ARG2: variants seen among roughly 807,000 people sequenced by gnomAD.
The protein encoded by ARG2 is arginase-2, mitochondrial.
ARG2 carries 21 observed loss-of-function variants against 39.4 expected under a neutral mutation model. The ratio of observed to expected loss-of-function variants is 0.53; its 90% CI spans 0.38 to 0.77. The LOEUF (loss-of-function observed/expected upper bound fraction) is 0.77, where lower values mean the gene tolerates loss of function less well. ARG2 is among the 30% of genes least tolerant of loss of function. The pLI, the probability that ARG2 is intolerant of heterozygous loss-of-function variation, is 0.00. For synonymous variants in ARG2, 150 were observed against 156.7 expected, an observed-to-expected ratio of 0.96 and a Z score of 0.32; for missense variants, 378 against 426.2, an observed-to-expected ratio of 0.89 and a Z score of 1.00.
chr14:67,647,803 G>A, intron 6 of ARG2: 1 of 491,668 alleles, frequency 2.0e-6, no homozygotes, highest in Non-Finnish European at 3.6e-6. Flanking sequence ...ATACATTGGA[G>A]TTAGTCTGTC....
At chr14:67,649,627 T>C (rs2140789347) in intron 7 of ARG2, 1 of 152,114 alleles carries the variant, frequency 6.6e-6, no homozygotes, top group Middle Eastern at 3.4e-3. Flanking sequence ...GTGCAGGAAA[T>C]GATGGAAATG....
rs144757358 is a variant in ARG2 at position 67,636,129 on chromosome 14, A to G, written c.185-6057A>G. ...TTTCTCCATGTCTGTTATTCTACCAATGGGTTGCCTGTGGCTCAGCAGACC... is the reference window on the plus strand; with the variant it reads ...TTTCTCCATGTCTGTTATTCTACCAGTGGGTTGCCTGTGGCTCAGCAGACC... On this transcript the variant is annotated intron_variant, in intron 2 of 7. Transcript: ENST00000261783. Among the ~76,000 whole-genome samples, 406 of 152,152 alleles carry G rather than the reference A, an allele frequency of 2.7e-3. 3 individuals are homozygous for G. The highest frequency in any genetic ancestry group is 9.2e-3 in the African/African-American group (384 of 41,520).
intron 7 of ARG2, 134 bp from the exon 8 acceptor site, chr14:67,650,581 T>C: frequency 1.3e-6 from 1 of 748,672 alleles, no homozygotes; most frequent in Non-Finnish European, 2.2e-6. Context: ...AGGGGCTTCC[T>C]AAAAATAGGT....
Position 67,620,068 on chromosome 14 carries a change from G to A in ARG2, c.91G>A (p.Ala31Thr), listed in dbSNP as rs922197969. ...CGTCCACTCCGTGGCTGTGATAGGA[G>A]CCCCGTTCTCACAAGGGCAGGTGAG... ...KSVHSVAVIG[A>T]PFSQGQKRKG... Residue 31 changes from alanine (A) to threonine (T), a missense_variant, in exon 1 of 8, where the codon GCC (alanine) becomes ACC (threonine). Physicochemically the swap from Ala to Thr is moderately conservative, Grantham distance 58 (BLOSUM62 0). Coordinates refer to ENST00000261783, the MANE Select transcript of ARG2 (RefSeq NM_001172.4). The A allele has an allele frequency of 6.2e-7, 1 of 1,609,608 alleles. No individual in the cohort carries two copies. The highest frequency in any genetic ancestry group is 8.5e-7 in the Non-Finnish European group (1 of 1,178,022).
chr14:67,642,798 T>C (rs375906468), intron 3 of ARG2, among the ~76,000 whole-genome samples: 23 of 94,962 alleles, frequency 2.4e-4, no homozygotes, highest in Admixed American at 2.2e-4. Flanking sequence ...ATTTTCTTTT[T>C]TTTTTTTTTT....
chr14:67,636,255 T>C (rs1188964051), intron 2 of ARG2, among the ~76,000 whole-genome samples: 3 of 151,026 alleles, frequency 2.0e-5, no homozygotes, highest in Admixed American at 2.0e-4. Context: ...GATAGTCTTA[T>C]GCTGTCAAAA....
intron 2 of ARG2, among the ~76,000 whole-genome samples, chr14:67,634,405 T>C (rs1273599799): frequency 6.9e-6 from 1 of 145,098 alleles, no homozygotes; most frequent in African/African-American, 2.6e-5. Context: ...CCAGCCTGGG[T>C]AGCATGGCAA....
chr14:67,642,104 C>A, intron 2 of ARG2, 82 bp from the exon 3 acceptor site: 2 of 1,310,944 alleles, frequency 1.5e-6, no homozygotes, highest in Admixed American at 1.8e-5. Flanking sequence ...TACTTTGTCA[C>A]GTATTATCAT....
intron 2 of ARG2, among the ~76,000 whole-genome samples, chr14:67,638,387 A>C (rs967587916): frequency 2.0e-5 from 3 of 152,134 alleles, no homozygotes; most frequent in Admixed American, 2.0e-4. Context: ...AAAGAAAAAA[A>C]ATGATTAAAG....
chr14:67,635,713 C>T (rs1298490607), intron 2 of ARG2, among the ~76,000 whole-genome samples: 3 of 151,968 alleles, frequency 2.0e-5, no homozygotes, highest in Admixed American at 6.6e-5. Flanking sequence ...ATTAGCCGGG[C>T]GTGGTGGCAG....
At chr14:67,642,791 TTC>T (rs1315861657) in intron 3 of ARG2, among the ~76,000 whole-genome samples, 5 of 131,162 alleles carry the variant, frequency 3.8e-5, no homozygotes, top group African/African-American at 1.1e-4. Context: ...TTACTACATT[TTC>T]TTTTTTTTTT....
chr14:67,650,268 G>A (rs903913654), intron 7 of ARG2: 14 of 215,218 alleles, frequency 6.5e-5, no homozygotes, highest in African/African-American at 3.0e-4. Context: ...GTTCAAAAGT[G>A]GGAATGCAGT....
At position 67,648,324 on chromosome 14, in the gene ARG2, G is replaced by C. The variant is rs35508499; in HGVS notation, c.859+141G>C. On this transcript the variant is annotated intron_variant, in intron 7 of 7. Transcript: ENST00000261783. Reference sequence around the variant, plus strand: ...AAACTTTTGTAGCTAAAAATTATATGGCCATGCTAATAAAAAGGATATAGT... The same window carrying C: ...AAACTTTTGTAGCTAAAAATTATATCGCCATGCTAATAAAAAGGATATAGT... 4,753 of 907,926 alleles carry C rather than the reference G, an allele frequency of 5.2e-3. 35 individuals are homozygous for C. The highest frequency in any genetic ancestry group is 5.7e-3 in the Non-Finnish European group (3,585 of 626,658). 56.2% of individuals were successfully genotyped at this position (907,926 alleles called of 1,614,324 possible).
intron 2 of ARG2, among the ~76,000 whole-genome samples, chr14:67,636,254 A>G (rs1482828449): frequency 3.3e-5 from 5 of 151,384 alleles, no homozygotes; most frequent in African/African-American, 1.2e-4. Context: ...GGATAGTCTT[A>G]TGCTGTCAAA....
chr14:67,623,528 G>C (rs1208535395), intron 2 of ARG2, among the ~76,000 whole-genome samples: 2 of 142,818 alleles, frequency 1.4e-5, no homozygotes, highest in African/African-American at 5.3e-5. Flanking sequence ...AGTACTCTCA[G>C]GTAACCTTTT....
At chr14:67,650,535 TTTAAC>T in intron 7 of ARG2, 175 bp from the exon 8 acceptor site, 1 of 612,730 alleles carries the variant, frequency 1.6e-6, no homozygotes, top group Non-Finnish European at 2.9e-6. Flanking sequence ...ACAACAGTGT[TTTAAC>T]TTAAATTCAT....
intron 1 of ARG2, 50 bp from the exon 2 acceptor site, chr14:67,620,844 T>G: frequency 1.2e-6 from 2 of 1,606,974 alleles, no homozygotes; most frequent in Non-Finnish European, 1.7e-6. Context: ...AAATGGGTTT[T>G]TTTCCGACAC....
At position 67,651,654 on chromosome 14, in the gene ARG2, A is replaced by ACTGT. The variant is rs144386162; in HGVS notation, c.*737_*740dup. The stretch of plus-strand genomic sequence containing the variant: ...TCTTTAGCTGTCACTTAGGGATAAC[A>ACTGT]CTGTCTACCTCACAGAAATGTTAAA... On this transcript the variant is annotated 3_prime_UTR_variant, in exon 8 of 8. Coordinates refer to ENST00000261783, the MANE Select transcript of ARG2 (RefSeq NM_001172.4). The ACTGT allele has an allele frequency of 1.5e-3, 807 of 555,020 alleles. 9 individuals are homozygous for ACTGT. The highest frequency in any genetic ancestry group is 0.014 in the African/African-American group (727 of 52,148). 34.4% of individuals were successfully genotyped at this position (555,020 alleles called of 1,614,324 possible). A position where few individuals can be genotyped will look rare whatever the true frequency, so the allele number is the denominator to read the frequency against.
intron 2 of ARG2, among the ~76,000 whole-genome samples, chr14:67,638,767 A>G (rs1382733982): frequency 6.6e-6 from 1 of 152,210 alleles, no homozygotes; most frequent in East Asian, 1.9e-4. Context: ...GCAGAAACAC[A>G]AGGTTGCTGA....
Sources: gnomAD v4.1 joint callset for allele counts (sites outside exome capture counted in the v4.1 genomes callset) on GRCh38, gnomAD v4.1.1 for gene constraint, MANE v1.5 for transcripts, NCBI Gene and HGNC (gene_info 2026-07-23, HGNC 2026-07-21) for gene names.